Variants in EXOC6B observed in about 807,000 individuals in gnomAD.
EXOC6B encodes SEC15 homolog B.
In EXOC6B, 54 loss-of-function variants were observed where a neutral mutation model predicts 113.5. That is an observed-to-expected ratio of 0.48 (90% confidence interval 0.38 to 0.60). The LOEUF (loss-of-function observed/expected upper bound fraction) is 0.60, where lower values mean the gene tolerates loss of function less well. EXOC6B is among the 20% of genes least tolerant of loss of function. The probability of loss-of-function intolerance (pLI) is 0.00; values close to 1 mark genes in which losing one functional copy is unlikely to be tolerated. For synonymous variants in EXOC6B, 357 were observed against 339.0 expected (o/e 1.05, Z -0.58); for missense variants, 797 against 977.5 (o/e 0.82, Z 2.46).
intron 19 of EXOC6B, among the ~76,000 whole-genome samples, chr2:72,373,788 A>G (rs2105038214): frequency 6.6e-6 from 1 of 152,340 alleles, no homozygotes; most frequent in Non-Finnish European, 1.5e-5. Context: ...GATGTGGAGA[A>G]AAGGAAACCT....
intron 6 of EXOC6B, among the ~76,000 whole-genome samples, chr2:72,605,730 G>A (rs1670713985): frequency 1.3e-5 from 2 of 152,218 alleles, no homozygotes; most frequent in Non-Finnish European, 2.9e-5. Context: ...TTTCAGGAAG[G>A]TTTATTTATT....
At chr2:72,603,365 C>A (rs1670548333) in intron 6 of EXOC6B, among the ~76,000 whole-genome samples, 1 of 152,074 alleles carries the variant, frequency 6.6e-6, no homozygotes, top group Admixed American at 6.5e-5. Context: ...TTCCCCTCCC[C>A]TGGCCCCCCA....
chr2:72,268,373 A>G (rs918083954), intron 20 of EXOC6B, among the ~76,000 whole-genome samples: 4 of 152,108 alleles, frequency 2.6e-5, no homozygotes, highest in African/African-American at 9.7e-5. Flanking sequence ...CTGCCTCCCA[A>G]AGTGTTTGGG....
At chr2:72,699,688 C>T (rs988048238) in intron 6 of EXOC6B, among the ~76,000 whole-genome samples, 9 of 152,042 alleles carry the variant, frequency 5.9e-5, no homozygotes, top group Non-Finnish European at 1.2e-4. Flanking sequence ...AAATTAATAA[C>T]AGACTTTAGC....
intron 19 of EXOC6B, among the ~76,000 whole-genome samples, chr2:72,361,355 A>T (rs1690304476): frequency 6.6e-6 from 1 of 152,112 alleles, no homozygotes; most frequent in African/African-American, 2.4e-5. Context: ...GCATAATATA[A>T]ACTTGAAAGG....
intron 18 of EXOC6B, chr2:72,463,541 T>C (rs1022241374): frequency 6.6e-6 from 1 of 151,982 alleles, no homozygotes; most frequent in Non-Finnish European, 1.5e-5. Flanking sequence ...GACTAACTAC[T>C]AGGGGGCGAA....
chr2:72,413,818 TCAC>T (rs1364424564), intron 18 of EXOC6B, among the ~76,000 whole-genome samples: 1 of 152,200 alleles, frequency 6.6e-6, no homozygotes, highest in Non-Finnish European at 1.5e-5. Context: ...ACTGTATGTA[TCAC>T]CACACCTGGT....
chr2:72,182,999 T>G lies in EXOC6B; in HGVS notation c.2309+1076A>C, dbSNP rs1185323322. The stretch of plus-strand genomic sequence containing the variant: ...ACGTGGTCAGGAGAAAACTGCAGTC[T>G]GAGTTTTTAGTCTCTTGGCTCCAAA... On this transcript the variant is annotated intron_variant, in intron 21 of 21. Coordinates refer to ENST00000272427, the MANE Select transcript of EXOC6B (RefSeq NM_015189.3). 7.1e-6 allele frequency: 6 copies of G among 847,864 alleles called. No homozygotes were observed. The African/African-American group carries it at 8.8e-5, about 12-fold the overall frequency. The allele number at this position is 847,864 out of a possible 1,614,324, so 52.5% of individuals were successfully genotyped here.
chr2:72,268,921 A>G (rs1489512856), intron 20 of EXOC6B, among the ~76,000 whole-genome samples: 1 of 151,910 alleles, frequency 6.6e-6, no homozygotes, highest in Admixed American at 6.6e-5. Flanking sequence ...AACCAATTAA[A>G]CCTCTTTTCT....
chr2:72,251,938 T>G (rs1172188396), intron 20 of EXOC6B, among the ~76,000 whole-genome samples: 1 of 152,170 alleles, frequency 6.6e-6, no homozygotes, highest in African/African-American at 2.4e-5. Context: ...GAACCCATAT[T>G]TCCCCCCCTT....
At chr2:72,287,901 C>A (rs1349994853) in intron 20 of EXOC6B, among the ~76,000 whole-genome samples, 1 of 152,112 alleles carries the variant, frequency 6.6e-6, no homozygotes, top group Non-Finnish European at 1.5e-5. Context: ...TACGTAAATT[C>A]TTCCTCAGAA....
At chr2:72,203,065 T>G (rs1679587329) in intron 20 of EXOC6B, among the ~76,000 whole-genome samples, 1 of 152,206 alleles carries the variant, frequency 6.6e-6, no homozygotes, top group East Asian at 1.9e-4. Flanking sequence ...GGTAGAGTAT[T>G]CAGCATAGTG....
At chr2:72,651,696 T>G (rs949812169) in intron 6 of EXOC6B, among the ~76,000 whole-genome samples, 6 of 152,120 alleles carry the variant, frequency 3.9e-5, no homozygotes, top group African/African-American at 1.4e-4. Flanking sequence ...CCCAGGTTCA[T>G]GCCATTCTCC....
intron 19 of EXOC6B, among the ~76,000 whole-genome samples, chr2:72,346,992 T>C (rs1269097566): frequency 2.0e-5 from 3 of 152,196 alleles, no homozygotes; most frequent in South Asian, 2.1e-4. Flanking sequence ...AGTTACAATC[T>C]AATCCCTTTA....
intron 6 of EXOC6B, among the ~76,000 whole-genome samples, chr2:72,668,110 A>G (rs1044410871): frequency 1.5e-4 from 23 of 152,176 alleles, no homozygotes; most frequent in Admixed American, 1.2e-3. Context: ...AACATATGAA[A>G]CAATGGTCAC....
chr2:72,632,112 A>C (rs1672508983), intron 6 of EXOC6B, among the ~76,000 whole-genome samples: 1 of 152,210 alleles, frequency 6.6e-6, no homozygotes, highest in African/African-American at 2.4e-5. Context: ...TTAAAAAGAA[A>C]AAAAAGCTAA....
chr2:72,428,252 C>T (rs1031911995), intron 18 of EXOC6B, among the ~76,000 whole-genome samples: 1 of 152,222 alleles, frequency 6.6e-6, no homozygotes, highest in African/African-American at 2.4e-5. Context: ...TTGTTCGCCA[C>T]GTTCCAGGCA....
chr2:72,280,866 C>T (rs143616403), intron 20 of EXOC6B, among the ~76,000 whole-genome samples: 13 of 152,036 alleles, frequency 8.6e-5, no homozygotes, highest in Middle Eastern at 3.4e-3. Context: ...TAAACAAAAA[C>T]GAGTTTGATG....
intron 1 of EXOC6B, among the ~76,000 whole-genome samples, chr2:72,799,434 G>A (rs948255868): frequency 6.6e-6 from 1 of 151,636 alleles, no homozygotes; most frequent in East Asian, 1.9e-4. Context: ...GCCTGGCATG[G>A]TGGCATGTTC....
Sources: allele counts gnomAD v4.1 joint callset (sites outside exome capture counted in the v4.1 genomes callset), GRCh38; gene constraint gnomAD v4.1.1; transcripts MANE v1.5; gene names NCBI Gene and HGNC (gene_info 2026-07-23, HGNC 2026-07-21).